Variants in FOXN3 observed in about 807,000 individuals in gnomAD.
FOXN3 encodes forkhead box protein N3.
In FOXN3, 7 loss-of-function variants were observed where a neutral mutation model predicts 38.4. That is an observed-to-expected ratio of 0.18 (90% confidence interval 0.10 to 0.34). The LOEUF (loss-of-function observed/expected upper bound fraction) is 0.34. FOXN3 is among the 10% of genes least tolerant of loss of function. The probability of loss-of-function intolerance (pLI) is 1.00; values close to 1 mark genes in which losing one functional copy is unlikely to be tolerated. For synonymous variants in FOXN3, 230 were observed against 242.2 expected (o/e 0.95, Z 0.47); for missense variants, 456 against 613.4 (o/e 0.74, Z 2.71).
In FOXN3 at chr14:89,182,436, A is replaced by G. The variant is rs1887698667; in HGVS notation, c.746-1630T>C. On this transcript the variant is annotated intron_variant, in intron 4 of 5. Transcript: ENST00000557258. ...AATGGAAACTCTCGCCTAAGTCAGT[A>G]CTACTATTACAGTCCAGGGTTCCAT... 2.0e-5 allele frequency among the ~76,000 whole-genome samples: 3 copies of G among 152,350 alleles called. No individual in the cohort carries two copies. The South Asian group carries it at 6.2e-4, about 32-fold the overall frequency.
intron 4 of FOXN3, among the ~76,000 whole-genome samples, chr14:89,195,573 T>C (rs537695736): frequency 2.0e-5 from 3 of 152,088 alleles, no homozygotes; most frequent in Non-Finnish European, 4.4e-5. Context: ...CATAGCTGAT[T>C]GTGAAGGGTA....
chr14:89,242,197 C>G (rs1250744680), intron 4 of FOXN3, among the ~76,000 whole-genome samples: 2 of 152,136 alleles, frequency 1.3e-5, no homozygotes, highest in Non-Finnish European at 2.9e-5. Flanking sequence ...ACGAGTGGTG[C>G]CCGCGTTCCT....
chr14:89,546,258 T>C (rs1160179162), intron 1 of FOXN3, among the ~76,000 whole-genome samples: 1 of 151,736 alleles, frequency 6.6e-6, no homozygotes, highest in Non-Finnish European at 1.5e-5. Context: ...AATTATTCAG[T>C]AAGGAGAAGC....
intron 4 of FOXN3, among the ~76,000 whole-genome samples, chr14:89,243,698 A>G (rs1296106015): frequency 1.3e-5 from 2 of 152,202 alleles, no homozygotes; most frequent in Admixed American, 6.5e-5. Context: ...CATGGAATAC[A>G]ATTGAAGTAG....
intron 2 of FOXN3, among the ~76,000 whole-genome samples, chr14:89,381,113 G>T (rs1336892830): frequency 8.3e-6 from 1 of 121,210 alleles, no homozygotes; most frequent in African/African-American, 3.0e-5. Context: ...TTGCACTCCA[G>T]CCTGGGCAAC....
At chr14:89,231,863 T>C (rs982711238) in intron 4 of FOXN3, among the ~76,000 whole-genome samples, 1 of 152,048 alleles carries the variant, frequency 6.6e-6, no homozygotes, top group African/African-American at 2.4e-5. Flanking sequence ...AATTAATCTC[T>C]AGGTCTGCTC....
intron 4 of FOXN3, among the ~76,000 whole-genome samples, chr14:89,209,567 G>A (rs142073666): frequency 7.4e-4 from 113 of 152,346 alleles, no homozygotes; most frequent in African/African-American, 2.7e-3. Flanking sequence ...ATGGCCCTGA[G>A]AAATACAGTT....
chr14:89,552,354 G>A (rs1353860860), intron 1 of FOXN3, among the ~76,000 whole-genome samples: 1 of 152,190 alleles, frequency 6.6e-6, no homozygotes, highest in East Asian at 1.9e-4. Flanking sequence ...ACCGTCACGT[G>A]TATTATCTCT....
intron 1 of FOXN3, among the ~76,000 whole-genome samples, chr14:89,451,035 C>T (rs1892604495): frequency 6.6e-6 from 1 of 152,146 alleles, no homozygotes; most frequent in Non-Finnish European, 1.5e-5. Context: ...CCTTAGTTTC[C>T]CCATCTGCAA....
At chr14:89,594,810 C>A (rs535715004) in intron 1 of FOXN3, among the ~76,000 whole-genome samples, 1 of 151,884 alleles carries the variant, frequency 6.6e-6, no homozygotes, top group South Asian at 2.1e-4. Context: ...CACCTGAATC[C>A]GGGAGGCAGA....
At chr14:89,501,070 G>A (rs1386747190) in intron 1 of FOXN3, among the ~76,000 whole-genome samples, 3 of 152,292 alleles carry the variant, frequency 2.0e-5, no homozygotes, top group East Asian at 1.9e-4. Context: ...GGATCGTGTC[G>A]CCTGGAGGAT....
At position 89,162,943 on chromosome 14, in the gene FOXN3, C is replaced by A. The variant is rs748675321; in HGVS notation, c.878G>T (p.Arg293Leu). The stretch of plus-strand genomic sequence containing the variant: ...GCCACAAGATGGCTCACTCTCAGTC[C>A]GCATCCGGCAGCTGGTGATGCCATT... ...MRNGITSCRM[R>L]TESEPSCGSP... Residue 293 changes from arginine to leucine, a missense_variant, in exon 6 of 6, where the codon CGG (arginine) becomes CTG (leucine). Coordinates refer to ENST00000557258, the MANE Select transcript of FOXN3 (RefSeq NM_005197.4). This position sits in a 1 kb window ranked among gnomAD's most constrained non-coding sequence, Gnocchi z 7.2. The A allele has an allele frequency of 1.3e-6, 2 of 1,570,504 alleles. No homozygotes were observed. Among genetic ancestry groups the A allele is most frequent in the Non-Finnish European group, 1.7e-6 (2 of 1,154,688 alleles).
intron 4 of FOXN3, among the ~76,000 whole-genome samples, chr14:89,194,635 T>C (rs1273517846): frequency 2.0e-5 from 3 of 152,070 alleles, no homozygotes; most frequent in Non-Finnish European, 2.9e-5. Flanking sequence ...AGAGATACTA[T>C]AATGCTTGCT....
intron 1 of FOXN3, among the ~76,000 whole-genome samples, chr14:89,476,644 G>A (rs941582785): frequency 3.9e-5 from 6 of 152,192 alleles, no homozygotes; most frequent in African/African-American, 1.2e-4. Context: ...GCACAGTGTC[G>A]TATTTTCCAC....
At chr14:89,298,290 C>T (rs1158273792) in intron 3 of FOXN3, among the ~76,000 whole-genome samples, 2 of 151,722 alleles carry the variant, frequency 1.3e-5, no homozygotes, top group South Asian at 2.1e-4. Flanking sequence ...TGGAGGGGAA[C>T]GGGGGGAGTG....
intron 1 of FOXN3, among the ~76,000 whole-genome samples, chr14:89,475,069 C>T (rs1173150164): frequency 5.3e-5 from 8 of 152,176 alleles, no homozygotes; most frequent in Non-Finnish European, 2.9e-5. Flanking sequence ...CCGCCCCAGC[C>T]TCCCTAAGTG....
chr14:89,591,802 G>A (rs537318781), intron 1 of FOXN3, among the ~76,000 whole-genome samples: 14 of 152,262 alleles, frequency 9.2e-5, no homozygotes, highest in South Asian at 4.1e-4. Flanking sequence ...GCACATGCCC[G>A]TAGTTCTAGC....
chr14:89,503,455 T>C (rs532405293), intron 1 of FOXN3, among the ~76,000 whole-genome samples: 1 of 152,368 alleles, frequency 6.6e-6, no homozygotes, highest in East Asian at 1.9e-4. Flanking sequence ...AAACCTGGTG[T>C]GGATTTCAAA....
At chr14:89,377,501 C>G (rs146872952) in intron 2 of FOXN3, among the ~76,000 whole-genome samples, 1 of 152,222 alleles carries the variant, frequency 6.6e-6, no homozygotes, top group African/African-American at 2.4e-5. Context: ...GGTGAGGTGC[C>G]ATGATGCCTA....
Sources: gnomAD v4.1 joint callset for allele counts (sites outside exome capture counted in the v4.1 genomes callset) on GRCh38, gnomAD v4.1.1 for gene constraint, Gnocchi (gnomAD v3.1) non-coding constraint, MANE v1.5 for transcripts, NCBI Gene and HGNC (gene_info 2026-07-23, HGNC 2026-07-21) for gene names.